Variants in GPR137C observed in about 807,000 individuals in gnomAD.
The protein encoded by GPR137C is G protein-coupled receptor 137C.
In GPR137C, 27 loss-of-function variants were observed where a neutral mutation model predicts 43.4. The observed-to-expected ratio is 0.62, with a 90% CI of 0.46 to 0.86. The LOEUF is 0.86. GPR137C is among the 40% of genes least tolerant of loss of function. The pLI, the probability that GPR137C is intolerant of heterozygous loss-of-function variation, is 0.00. For missense variants in GPR137C, 522 were observed against 534.6 expected (o/e 0.98, Z 0.23); for synonymous variants, 285 against 226.9 (o/e 1.26, Z -2.30).
chr14:52,552,857 A>G lies in GPR137C; in HGVS notation c.-291A>G, dbSNP rs1167847892. On this transcript the variant is annotated 5_prime_UTR_variant, in exon 1 of 7. It removes an upstream start codon present in the reference 5' UTR. Transcript: ENST00000321662. ...CCACAGTGCGGAGCGAGCGCCTCAA[A>G]TGCTCGGGTTTCTCAGCTGATTGTC... 1.3e-5 allele frequency among the ~76,000 whole-genome samples: 2 copies of G among 151,568 alleles called. No individual in the cohort carries two copies. Among genetic ancestry groups the G allele is most frequent in the Non-Finnish European group, 1.5e-5 (1 of 67,886 alleles).
intron 1 of GPR137C, among the ~76,000 whole-genome samples, chr14:52,577,516 G>GCGCACACACACACACACACA (rs369713179): frequency 2.8e-3 from 411 of 145,466 alleles, no homozygotes; most frequent in South Asian, 0.01. Flanking sequence ...GCGCGCGCGC[G>GCGCACACACACACACACACA]CACACACACA....
chr14:52,619,925 G>T (rs1430800567), intron 3 of GPR137C, among the ~76,000 whole-genome samples: 1 of 151,912 alleles, frequency 6.6e-6, no homozygotes, highest in African/African-American at 2.4e-5. Flanking sequence ...GTATTTGTAA[G>T]ATTATTTGAA....
At chr14:52,576,693 A>T (rs143831369) in intron 1 of GPR137C, among the ~76,000 whole-genome samples, 1 of 152,320 alleles carries the variant, frequency 6.6e-6, no homozygotes, top group East Asian at 1.9e-4. Flanking sequence ...AAATTAACCT[A>T]ATAGACGTTT....
intron 3 of GPR137C, among the ~76,000 whole-genome samples, chr14:52,602,186 G>A (rs971058885): frequency 1.3e-5 from 2 of 151,488 alleles, no homozygotes; most frequent in Non-Finnish European, 2.9e-5. Flanking sequence ...TCATGTTCTT[G>A]TATAATCACT....
At chr14:52,565,457 G>A (rs1566602884) in intron 1 of GPR137C, among the ~76,000 whole-genome samples, 1 of 152,134 alleles carries the variant, frequency 6.6e-6, no homozygotes, top group Non-Finnish European at 1.5e-5. Context: ...GACCAAATGT[G>A]TAGAAAGTAC....
chr14:52,581,300 G>A (rs898886857), intron 1 of GPR137C, among the ~76,000 whole-genome samples: 2 of 151,256 alleles, frequency 1.3e-5, no homozygotes, highest in African/African-American at 4.9e-5. Context: ...CTGGGAGGCC[G>A]AGGCAGGCAG....
intron 3 of GPR137C, among the ~76,000 whole-genome samples, chr14:52,623,442 G>T (rs545503674): frequency 6.6e-6 from 1 of 152,218 alleles, no homozygotes; most frequent in East Asian, 1.9e-4. Context: ...TCAGTGAGTG[G>T]CCATTTCCTT....
intron 3 of GPR137C, among the ~76,000 whole-genome samples, chr14:52,602,928 A>G (rs2038943484): frequency 6.6e-6 from 1 of 152,186 alleles, no homozygotes; most frequent in Non-Finnish European, 1.5e-5. Flanking sequence ...TTGGGATATC[A>G]TCACCTCAAA....
At chr14:52,560,245 T>C (rs1244321432) in intron 1 of GPR137C, among the ~76,000 whole-genome samples, 3 of 152,170 alleles carry the variant, frequency 2.0e-5, no homozygotes, top group East Asian at 3.9e-4. Flanking sequence ...CAAGGAAAAC[T>C]ACAAAACATT....
Position 52,553,024 on chromosome 14 carries a change from C to G in GPR137C, c.-124C>G, listed in dbSNP as rs2038103147. ...CGCTGGACTCCGGGTCCCGTCACGGCGCTTCCTGGGGTTAGAGGCTGGGGT... is the reference window on the plus strand; with the variant it reads ...CGCTGGACTCCGGGTCCCGTCACGGGGCTTCCTGGGGTTAGAGGCTGGGGT... On this transcript the variant is annotated 5_prime_UTR_variant, in exon 1 of 7. Coordinates refer to ENST00000321662, the MANE Select transcript of GPR137C (RefSeq NM_001099652.2). 2.7e-6 allele frequency: 1 copy of G among 369,484 alleles called. No homozygotes were observed. The highest frequency in any genetic ancestry group is 3.9e-6 in the Non-Finnish European group (1 of 256,042). The allele number at this position is 369,484 out of a possible 1,614,324, so 22.9% of individuals were successfully genotyped here. A position where few individuals can be genotyped will look rare whatever the true frequency, so the allele number is the denominator to read the frequency against.
chr14:52,567,528 C>T (rs957425903), intron 1 of GPR137C, among the ~76,000 whole-genome samples: 1 of 152,138 alleles, frequency 6.6e-6, no homozygotes, highest in Non-Finnish European at 1.5e-5. Context: ...TCCTAAACCA[C>T]ATTAGAAATT....
intron 3 of GPR137C, among the ~76,000 whole-genome samples, chr14:52,628,521 C>T (rs2039256490): frequency 1.3e-5 from 2 of 152,126 alleles, no homozygotes. Context: ...TCAGGCTGGG[C>T]ATGGTGGCTC....
At chr14:52,633,486 A>T in intron 4 of GPR137C, 44 bp from the exon 5 acceptor site, 1 of 1,583,068 alleles carries the variant, frequency 6.3e-7, no homozygotes, top group Non-Finnish European at 8.7e-7. Flanking sequence ...GATTGCTTAT[A>T]CAATAAACAG....
intron 1 of GPR137C, among the ~76,000 whole-genome samples, chr14:52,565,185 G>A (rs1224587006): frequency 1.3e-5 from 2 of 152,084 alleles, no homozygotes; most frequent in East Asian, 3.8e-4. Flanking sequence ...AAATAATGAC[G>A]GGATTTTCAA....
intron 1 of GPR137C, among the ~76,000 whole-genome samples, chr14:52,580,631 TG>T (rs2038629619): frequency 6.6e-6 from 1 of 151,984 alleles, no homozygotes. Flanking sequence ...CCCAAAGTGC[TG>T]GGATTACAGG....
At chr14:52,569,171 C>A (rs1457737279) in intron 1 of GPR137C, among the ~76,000 whole-genome samples, 1 of 152,052 alleles carries the variant, frequency 6.6e-6, no homozygotes, top group Non-Finnish European at 1.5e-5. Context: ...CTGGAGAGGA[C>A]CTCCAGCAGA....
chr14:52,621,152 C>A (rs1300660579), intron 3 of GPR137C, among the ~76,000 whole-genome samples: 2 of 151,570 alleles, frequency 1.3e-5, no homozygotes, highest in African/African-American at 4.8e-5. Context: ...ATAAGAAAAT[C>A]TTGAAAACAG....
intron 3 of GPR137C, among the ~76,000 whole-genome samples, chr14:52,605,112 C>T (rs1392489810): frequency 1.3e-5 from 2 of 152,116 alleles, no homozygotes; most frequent in Non-Finnish European, 2.9e-5. Context: ...GCTATTTTGA[C>T]AGATATTTCA....
At chr14:52,617,334 A>G in intron 3 of GPR137C, among the ~76,000 whole-genome samples, 1 of 152,096 alleles carries the variant, frequency 6.6e-6, no homozygotes, top group East Asian at 1.9e-4. Flanking sequence ...CAGGTATATC[A>G]ATTTGAAATT....
Sources: gnomAD v4.1 joint callset for allele counts (sites outside exome capture counted in the v4.1 genomes callset) on GRCh38, gnomAD v4.1.1 for gene constraint, MANE v1.5 for transcripts, NCBI Gene and HGNC (gene_info 2026-07-23, HGNC 2026-07-21) for gene names.